PLCG2: variants seen among roughly 807,000 people sequenced by gnomAD.
PLCG2 encodes phospholipase C gamma 2.
In PLCG2, 69 loss-of-function variants were observed where a neutral mutation model predicts 175.6. That is an observed-to-expected ratio of 0.39 (90% CI 0.32 to 0.48). The LOEUF (loss-of-function observed/expected upper bound fraction) is 0.48. PLCG2 is among the 20% of genes least tolerant of loss of function. PLCG2 has a pLI of 0.91. For synonymous variants in PLCG2, 827 were observed against 624.0 expected (o/e 1.33, Z -4.85); for missense variants, 1,798 against 1,650.9 (o/e 1.09, Z -1.54).
In PLCG2 at chr16:81,870,855, A is replaced by G; in HGVS notation, c.568A>G (p.Ile190Val). The G allele has an allele frequency of 1.3e-6, 2 of 1,585,400 alleles. No individual in the cohort carries two copies. The highest frequency in any genetic ancestry group is 1.1e-5 in the South Asian group (1 of 88,042). ...GTCACTTTTTTCATATTTACAGGAA[A>G]TAGGAGCACACAAAGATGAGCTCAG... ...AKFLKDKFVEIGAHKDELSFE... is the reference protein window; with the variant it reads ...AKFLKDKFVEVGAHKDELSFE... The change falls in exon 7 of 33, where the codon ATA (isoleucine) becomes GTA (valine). Residue 190 changes from isoleucine to valine, a missense_variant. Coordinates refer to ENST00000564138, the MANE Select transcript of PLCG2 (RefSeq NM_002661.5).
At chr16:81,927,798 A>G (rs1018380240) in intron 23 of PLCG2, among the ~76,000 whole-genome samples, 1 of 152,196 alleles carries the variant, frequency 6.6e-6, no homozygotes, top group African/African-American at 2.4e-5. Flanking sequence ...GTCAAGTTAG[A>G]GTTCAACAGC....
intron 2 of PLCG2, among the ~76,000 whole-genome samples, chr16:81,851,301 G>C (rs966638228): frequency 6.6e-6 from 1 of 152,188 alleles, no homozygotes; most frequent in Non-Finnish European, 1.5e-5. Flanking sequence ...ACCTGGACAT[G>C]GTCGCTGGTG....
chr16:81,879,489 C>G (rs1346273416), intron 7 of PLCG2, among the ~76,000 whole-genome samples: 1 of 152,178 alleles, frequency 6.6e-6, no homozygotes, highest in Non-Finnish European at 1.5e-5. Flanking sequence ...GAAACACACA[C>G]CCACACAAAC....
chr16:81,950,712 G>T (rs997253050), intron 31 of PLCG2, among the ~76,000 whole-genome samples: 15 of 152,118 alleles, frequency 9.9e-5, no homozygotes, highest in Admixed American at 9.2e-4. Context: ...TGGCAAAATT[G>T]CTCACAATTT....
intron 2 of PLCG2, among the ~76,000 whole-genome samples, chr16:81,834,876 C>T (rs1284502214): frequency 6.6e-6 from 1 of 152,174 alleles, no homozygotes; most frequent in African/African-American, 2.4e-5. Context: ...CTGGATTCCT[C>T]TTGGGTGGAT....
At position 81,836,347 on chromosome 16, in the gene PLCG2, G is replaced by A. The variant is rs566232738; in HGVS notation, c.194-18097G>A. ...TGGCCCACGTGTCAGCCATGGACTC[G>A]TATTCCCACTGGTGGAGCCAAGAGG... On this transcript the variant is annotated intron_variant, in intron 2 of 32. Coordinates refer to ENST00000564138, the MANE Select transcript of PLCG2 (RefSeq NM_002661.5). 2.0e-4 allele frequency among the ~76,000 whole-genome samples: 31 copies of A among 152,282 alleles called. No homozygotes were observed. The South Asian group carries it at 4.8e-3, about 23-fold the overall frequency.
chr16:81,811,760 A>C (rs1904330017), intron 2 of PLCG2, among the ~76,000 whole-genome samples: 1 of 152,176 alleles, frequency 6.6e-6, no homozygotes, highest in Non-Finnish European at 1.5e-5. Context: ...TTCTTTATCC[A>C]GTCTATCATC....
At chr16:81,764,467 T>G (rs1462239894) in intron 2 of PLCG2, among the ~76,000 whole-genome samples, 1 of 152,170 alleles carries the variant, frequency 6.6e-6, no homozygotes, top group Non-Finnish European at 1.5e-5. Flanking sequence ...AAAGTGCAAT[T>G]GCCCACAGCT....
chr16:81,917,274 G>A (rs919675924), intron 19 of PLCG2, among the ~76,000 whole-genome samples: 1 of 137,724 alleles, frequency 7.3e-6, no homozygotes, highest in Admixed American at 7.5e-5. Flanking sequence ...TTATGTAAAT[G>A]TACCACATTT....
intron 7 of PLCG2, among the ~76,000 whole-genome samples, chr16:81,879,566 T>G (rs1319012755): frequency 6.6e-6 from 1 of 152,152 alleles, no homozygotes; most frequent in African/African-American, 2.4e-5. Flanking sequence ...ATAGTCCCCA[T>G]GACGTCCTGG....
intron 7 of PLCG2, among the ~76,000 whole-genome samples, chr16:81,874,951 T>TTTTTGTTTTTTTGTTC (rs1555514791): frequency 0.013 from 1,361 of 108,552 alleles, 139 homozygotes; most frequent in African/African-American, 0.044. Context: ...CCTATGTGTT[T>TTTTTGTTTTTTTGTTC]TTTTTTTTTT....
chr16:81,819,139 GGTTCAGTGGA>G (rs1000258244), intron 2 of PLCG2, among the ~76,000 whole-genome samples: 13 of 152,106 alleles, frequency 8.5e-5, no homozygotes, highest in African/African-American at 2.9e-4. Context: ...CTGACTGTGG[GGTTCAGTGGA>G]GGTTGGCGGT....
rs188229099 is a variant in PLCG2 at position 81,919,395 on chromosome 16, C to T, written c.2055-89C>T. On this transcript the variant is annotated intron_variant, in intron 19 of 32. Coordinates refer to ENST00000564138, the MANE Select transcript of PLCG2 (RefSeq NM_002661.5). ...TACCCACTTCTCTAAGGCTGGATAA[C>T]TAGGTTGTATCTAATCAGTAGGGTT... 15 of 965,418 alleles carry T rather than the reference C, an allele frequency of 1.6e-5. No individual in the cohort carries two copies. In the African/African-American group the frequency reaches 1.9e-4, roughly 12 times the overall value. The allele number at this position is 965,418 out of a possible 1,614,324, so 59.8% of individuals were successfully genotyped here.
At chr16:81,887,197 G>T (rs1000905492) in intron 9 of PLCG2, among the ~76,000 whole-genome samples, 5 of 149,596 alleles carry the variant, frequency 3.3e-5, no homozygotes, top group Non-Finnish European at 7.4e-5. Flanking sequence ...TCTGCTCACC[G>T]CAAACTCTGT....
intron 29 of PLCG2, 34 bp from the exon 30 acceptor site, chr16:81,939,858 A>G (rs765777455): frequency 1.1e-5 from 17 of 1,512,112 alleles, no homozygotes; most frequent in East Asian, 9.1e-5. Context: ...GGCAGCTCCA[A>G]TGTGGCCTCT....
intron 3 of PLCG2, among the ~76,000 whole-genome samples, chr16:81,856,692 G>A (rs1906702846): frequency 6.6e-6 from 1 of 152,200 alleles, no homozygotes; most frequent in Non-Finnish European, 1.5e-5. Context: ...TCATCCATGG[G>A]AAGCTGAATA....
intron 2 of PLCG2, among the ~76,000 whole-genome samples, chr16:81,829,201 C>T (rs559986554): frequency 1.2e-3 from 184 of 152,240 alleles, no homozygotes; most frequent in Non-Finnish European, 2.2e-3. Flanking sequence ...CTCTGTCTTC[C>T]GGGTTCAAGC....
At chr16:81,759,542 C>T (rs1487932674) in intron 2 of PLCG2, among the ~76,000 whole-genome samples, 2 of 152,172 alleles carry the variant, frequency 1.3e-5, no homozygotes, top group Admixed American at 1.3e-4. Flanking sequence ...TACTGCAAAG[C>T]CTGGCTCTTT....
intron 9 of PLCG2, among the ~76,000 whole-genome samples, chr16:81,888,938 C>A (rs569827876): frequency 3.0e-4 from 46 of 152,162 alleles, no homozygotes; most frequent in Admixed American, 8.5e-4. Flanking sequence ...CGACAGACAC[C>A]GTATGGCTCA....
Sources: gnomAD v4.1 joint callset for allele counts (sites outside exome capture counted in the v4.1 genomes callset) on GRCh38, gnomAD v4.1.1 for gene constraint, MANE v1.5 for transcripts, NCBI Gene and HGNC (gene_info 2026-07-23, HGNC 2026-07-21) for gene names.